PAN3: variants seen among roughly 807,000 people sequenced by gnomAD.
PAN3 encodes the protein PAN2-PAN3 deadenylation complex subunit PAN3.
PAN3 carries 19 observed loss-of-function variants against 96.2 expected under a neutral mutation model. That is an observed-to-expected ratio of 0.20 (90% CI 0.14 to 0.29). The LOEUF is 0.29. Among genes scored for constraint, PAN3 ranks in the 10% least tolerant of loss-of-function variants. PAN3 has a pLI of 1.00. For synonymous variants in PAN3, 433 were observed against 406.6 expected, an observed-to-expected ratio of 1.06 and a Z score of -0.78; for missense variants, 882 against 1,108.1, an observed-to-expected ratio of 0.80 and a Z score of 2.90.
At chr13:28,220,069 A>G (rs1176793446) in intron 5 of PAN3, among the ~76,000 whole-genome samples, 162 bp from the exon 6 acceptor site, 1 of 152,242 alleles carries the variant, frequency 6.6e-6, no homozygotes, top group Non-Finnish European at 1.5e-5. Context: ...CCTTTAAGAA[A>G]TATAATTATG....
chr13:28,215,003 C>G, intron 5 of PAN3: 1 of 1,281,176 alleles, frequency 7.8e-7, no homozygotes, highest in Non-Finnish European at 1.1e-6. Context: ...CAACTTACAG[C>G]CAGAAGAGAT....
chr13:28,169,093 A>G (rs2138070886), intron 1 of PAN3, among the ~76,000 whole-genome samples: 1 of 152,306 alleles, frequency 6.6e-6, no homozygotes, highest in Admixed American at 6.5e-5. Context: ...TTGCAAAAAT[A>G]AAGGATTGAA....
upstream of PAN3, chr13:28,138,417 G>A (rs1869060323): frequency 3.7e-6 from 1 of 268,232 alleles, no homozygotes; most frequent in South Asian, 1.7e-4. Flanking sequence ...TTTAAGAAAA[G>A]AGAACGAGAG....
intron 4 of PAN3, among the ~76,000 whole-genome samples, chr13:28,188,078 C>T (rs1213593239): frequency 6.6e-6 from 1 of 152,180 alleles, no homozygotes; most frequent in African/African-American, 2.4e-5. Flanking sequence ...TAGTAGTATA[C>T]AAATGTGAAA....
chr13:28,267,884 A>C (rs765220912), intron 12 of PAN3, among the ~76,000 whole-genome samples: 1 of 152,172 alleles, frequency 6.6e-6, no homozygotes, highest in Non-Finnish European at 1.5e-5. Flanking sequence ...ACGCAGCCAA[A>C]CCATATCACA....
At position 28,174,310 on chromosome 13, in the gene PAN3, C is replaced by G; in HGVS notation, c.469C>G (p.Leu157Val). The G allele has an allele frequency of 6.2e-7, 1 of 1,612,802 alleles. No individual in the cohort carries two copies. The highest frequency in any genetic ancestry group is 1.3e-5 in the African/African-American group (1 of 75,024). ...MDGGALTDTS[L>V]TDSYFSTSFI... ...TGGAGGTGCTTTAACTGATACAAGT[C>G]TCACAGATTCCTATTTTAGCACCAG... The change falls in exon 2 of 19, where the codon CTC becomes GTC. Residue 157 changes from leucine (L) to valine (V), a missense_variant. This residue lies in a region of PAN3 where 442 missense variants were observed against 422.8 expected (regional missense o/e 1.05). Coordinates refer to ENST00000380958, the MANE Select transcript of PAN3 (RefSeq NM_175854.8).
chr13:28,251,228 C>T (rs1337893416), intron 6 of PAN3, among the ~76,000 whole-genome samples: 2 of 152,090 alleles, frequency 1.3e-5, no homozygotes, highest in South Asian at 2.1e-4. Context: ...TAATCACCTC[C>T]GTAGTAATTA....
In PAN3 at chr13:28,279,988, G is replaced by A. The variant is rs536141779; in HGVS notation, c.2190-424G>A. ...CTAATTTTGTATTTTTAGTAGAGACGGGGTTTCACCGTGTTGGCCAGGCTG... is the reference window on the plus strand; with the variant it reads ...CTAATTTTGTATTTTTAGTAGAGACAGGGTTTCACCGTGTTGGCCAGGCTG... On this transcript the variant is annotated intron_variant, in intron 15 of 18. Coordinates refer to ENST00000380958, the MANE Select transcript of PAN3 (RefSeq NM_175854.8). 2.0e-5 allele frequency among the ~76,000 whole-genome samples: 3 copies of A among 151,764 alleles called. No individual in the cohort carries two copies. In the South Asian group the frequency reaches 6.2e-4, roughly 32 times the overall value.
intron 6 of PAN3, among the ~76,000 whole-genome samples, chr13:28,221,354 A>G (rs1881389408): frequency 6.6e-6 from 1 of 151,876 alleles, no homozygotes; most frequent in Non-Finnish European, 1.5e-5. Flanking sequence ...CATTAAAAAA[A>G]AAAACAGAAA....
intron 4 of PAN3, among the ~76,000 whole-genome samples, chr13:28,184,617 A>G (rs1033632397): frequency 2.0e-5 from 3 of 152,180 alleles, no homozygotes; most frequent in Non-Finnish European, 2.9e-5. Flanking sequence ...TTGACAGACA[A>G]CTTTTCAGAA....
intron 6 of PAN3, among the ~76,000 whole-genome samples, chr13:28,230,185 A>T (rs906540550): frequency 1.3e-5 from 2 of 151,884 alleles, no homozygotes; most frequent in African/African-American, 4.8e-5. Context: ...TTTCTGGTTA[A>T]TGTCTGTGTT....
intron 1 of PAN3, among the ~76,000 whole-genome samples, chr13:28,161,573 C>A (rs1298305937): frequency 6.6e-6 from 1 of 152,098 alleles, no homozygotes; most frequent in Admixed American, 6.6e-5. Context: ...AAGACTTCAG[C>A]ATAGGAATGT....
intron 1 of PAN3, among the ~76,000 whole-genome samples, chr13:28,139,442 A>C (rs984797887): frequency 4.5e-4 from 68 of 150,216 alleles, no homozygotes; most frequent in Non-Finnish European, 8.3e-4. Flanking sequence ...GTTTGCAGGC[A>C]CATGTGTTTT....
intron 6 of PAN3, among the ~76,000 whole-genome samples, chr13:28,254,704 TA>T (rs1029488092): frequency 3.4e-4 from 51 of 149,830 alleles, no homozygotes; most frequent in Admixed American, 2.8e-3. Flanking sequence ...TTTGGCTTCA[TA>T]TTTTTTTTAA....
chr13:28,152,929 A>C (rs1198955594), intron 1 of PAN3, among the ~76,000 whole-genome samples: 1 of 152,186 alleles, frequency 6.6e-6, no homozygotes, highest in Non-Finnish European at 1.5e-5. Flanking sequence ...GGGGGAAAAG[A>C]CACTCTGGTA....
In PAN3 at chr13:28,293,227, T is replaced by A. The variant is rs1451941765; in HGVS notation, c.*705T>A. Reference sequence around the variant, plus strand: ...GTAACTGAAGGAGCATGTATAGCTCTTTCCTTCAAATTCAACTAGAGCCTT... The same window carrying A: ...GTAACTGAAGGAGCATGTATAGCTCATTCCTTCAAATTCAACTAGAGCCTT... On this transcript the variant is annotated 3_prime_UTR_variant, in exon 19 of 19. Transcript: ENST00000380958. The A allele has an allele frequency of 6.6e-6, 1 of 152,158 alleles. No homozygotes were observed. Among genetic ancestry groups the A allele is most frequent in the Non-Finnish European group, 1.5e-5 (1 of 68,016 alleles). The allele number at this position is 152,158 out of a possible 1,614,324, so 9.4% of individuals were successfully genotyped here.
At position 28,260,335 on chromosome 13, in the gene PAN3, A is replaced by C; in HGVS notation, c.1249-112A>C. On this transcript the variant is annotated intron_variant, in intron 7 of 18. Coordinates refer to ENST00000380958, the MANE Select transcript of PAN3 (RefSeq NM_175854.8). ...CTTGAACCCGGGAGGCAGAGCTTGTAGTGAGCCGAGATTGCGCCACTGAAC... is the reference window on the plus strand; with the variant it reads ...CTTGAACCCGGGAGGCAGAGCTTGTCGTGAGCCGAGATTGCGCCACTGAAC... 4.2e-6 allele frequency: 3 copies of C among 714,166 alleles called. No individual in the cohort carries two copies. The South Asian group carries it at 4.9e-5, about 12-fold the overall frequency. 44.2% of individuals were successfully genotyped at this position (714,166 alleles called of 1,614,324 possible).
intron 1 of PAN3, among the ~76,000 whole-genome samples, chr13:28,153,968 G>GC (rs1871743111): frequency 1.3e-5 from 2 of 152,052 alleles, no homozygotes; most frequent in Admixed American, 1.3e-4. Context: ...AACTTTTTAG[G>GC]CCATTTATTG....
At chr13:28,286,743 G>C (rs2138747598) in intron 17 of PAN3, among the ~76,000 whole-genome samples, 1 of 152,212 alleles carries the variant, frequency 6.6e-6, no homozygotes, top group African/African-American at 2.4e-5. Flanking sequence ...AATTTGATGG[G>C]CTGTTGAAAG....
Sources: gnomAD v4.1 joint callset for allele counts (sites outside exome capture counted in the v4.1 genomes callset) on GRCh38, gnomAD v4.1.1 for gene constraint, gnomAD v4.1.1 regional missense constraint, MANE v1.5 for transcripts, NCBI Gene and HGNC (gene_info 2026-07-23, HGNC 2026-07-21) for gene names.